Variants in CORO2B observed in about 807,000 individuals in gnomAD.
CORO2B encodes coronin 2B, also known as coronin-2B.
Under a neutral mutation model 58.8 loss-of-function variants are expected in CORO2B, and 26 were observed. The ratio of observed to expected loss-of-function variants is 0.44; its 90% CI spans 0.32 to 0.61. The LOEUF is 0.61. Ranked by LOEUF, CORO2B falls within the 20% of genes least tolerant of loss-of-function variation. The pLI is 0.04. For synonymous variants in CORO2B, 242 were observed against 253.8 expected (o/e 0.95, Z 0.44); for missense variants, 460 against 645.1 (o/e 0.71, Z 3.11).
At chr15:68,652,481 G>A (rs1234947726) in intron 2 of CORO2B, among the ~76,000 whole-genome samples, 2 of 152,188 alleles carry the variant, frequency 1.3e-5, no homozygotes, top group African/African-American at 4.8e-5. Flanking sequence ...GCCACAGGAA[G>A]AACAGGGCTA....
chr15:68,620,300 G>C (rs1900482104), intron 1 of CORO2B, among the ~76,000 whole-genome samples: 1 of 152,188 alleles, frequency 6.6e-6, no homozygotes, highest in African/African-American at 2.4e-5. Flanking sequence ...TGCTTAGAAT[G>C]ATGTTTGTAC....
intron 1 of CORO2B, among the ~76,000 whole-genome samples, chr15:68,640,088 T>C (rs1901161110): frequency 6.6e-6 from 1 of 152,180 alleles, no homozygotes; most frequent in Non-Finnish European, 1.5e-5. Flanking sequence ...TGCGCACCCA[T>C]GCATCTGACC....
the CORO2B span, among the ~76,000 whole-genome samples, chr15:68,543,773 C>T: frequency 6.6e-6 from 1 of 152,152 alleles, no homozygotes; most frequent in Non-Finnish European, 1.5e-5. Context: ...TCCCATCTCT[C>T]CTTCCTGCCT....
At chr15:68,686,909 A>G (rs1903000701) in intron 2 of CORO2B, among the ~76,000 whole-genome samples, 1 of 152,130 alleles carries the variant, frequency 6.6e-6, no homozygotes, top group Admixed American at 6.5e-5. Context: ...CAAAAAAAAA[A>G]AAAGAAAATA....
chr15:68,564,146 G>A, the CORO2B span, among the ~76,000 whole-genome samples: 2 of 152,170 alleles, frequency 1.3e-5, no homozygotes, highest in Non-Finnish European at 2.9e-5. Context: ...ATTGTCGAAT[G>A]TGTTGAGGGG....
chr15:68,579,300 G>A, intron 1 of CORO2B, 23 bp downstream of exon 1: 1 of 1,285,472 alleles, frequency 7.8e-7, no homozygotes, highest in African/African-American at 1.5e-5. Flanking sequence ...CGCCCGCCGC[G>A]CCCGGGACCC....
chr15:68,715,369 C>A, intron 8 of CORO2B, 58 bp downstream of exon 8: 1 of 1,221,340 alleles, frequency 8.2e-7, no homozygotes, highest in Non-Finnish European at 1.2e-6. Flanking sequence ...GGACATCTGG[C>A]CCATGGGTCA....
chr15:68,575,576 T>TTCCCCCC (rs1566975488), upstream of CORO2B, among the ~76,000 whole-genome samples: 1 of 15,916 alleles, frequency 6.3e-5, no homozygotes, highest in Non-Finnish European at 1.8e-4. Context: ...CCTTGTGATC[T>TTCCCCCC]GCCCCCGCCT....
At chr15:68,691,624 C>CAAAAAAAAAAAAAAA (rs57879519) in intron 2 of CORO2B, among the ~76,000 whole-genome samples, 14 of 25,750 alleles carry the variant, frequency 5.4e-4, no homozygotes, top group Admixed American at 1.1e-3. Flanking sequence ...GACTCCGTCT[C>CAAAAAAAAAAAAAAA]AAAAAAAAAA....
chr15:68,722,044 C>T (rs555495734), intron 11 of CORO2B, among the ~76,000 whole-genome samples: 3 of 152,296 alleles, frequency 2.0e-5, no homozygotes, highest in South Asian at 2.1e-4. Flanking sequence ...TGAGACACTG[C>T]GCCCAGCTAT....
At position 68,579,138 on chromosome 15, in the gene CORO2B, G is replaced by A. The variant is rs1276873346; in HGVS notation, c.-125G>A. On this transcript the variant is annotated 5_prime_UTR_variant, in exon 1 of 12. Coordinates refer to ENST00000261861, the MANE Select transcript of CORO2B (RefSeq NM_006091.5). ...CGGAGCGCAGCCCCCAGGCTCGGCCGAGCCGCCGGCGGGGCGCGGGGAGCG... is the reference window on the plus strand; with the variant it reads ...CGGAGCGCAGCCCCCAGGCTCGGCCAAGCCGCCGGCGGGGCGCGGGGAGCG... 3.1e-6 allele frequency: 3 copies of A among 981,498 alleles called. No individual in the cohort carries two copies. The highest frequency in any genetic ancestry group is 3.6e-6 in the Non-Finnish European group (3 of 828,302). The allele number at this position is 981,498 out of a possible 1,614,324, so 60.8% of individuals were successfully genotyped here.
chr15:68,691,101 G>A (rs111684617), intron 2 of CORO2B, among the ~76,000 whole-genome samples: 2 of 150,774 alleles, frequency 1.3e-5, no homozygotes, highest in African/African-American at 4.9e-5. Context: ...AGGCCAAGGC[G>A]GGTGGATCAC....
chr15:68,589,196 T>C lies in CORO2B; in HGVS notation c.15+9919T>C, dbSNP rs117640202. On this transcript the variant is annotated intron_variant, in intron 1 of 11. Coordinates refer to ENST00000261861, the MANE Select transcript of CORO2B (RefSeq NM_006091.5). Reference sequence around the variant, plus strand: ...AGTTCCTGTAGCATGTGATCCCTGGTATACCAGCCAGCAGGTAAAGGCCTA... The same window carrying C: ...AGTTCCTGTAGCATGTGATCCCTGGCATACCAGCCAGCAGGTAAAGGCCTA... Among the ~76,000 whole-genome samples, 817 of 152,332 alleles carry C rather than the reference T, an allele frequency of 5.4e-3. 3 individuals carry two copies. Among genetic ancestry groups the C allele is most frequent in the Non-Finnish European group, 8.8e-3 (600 of 68,026 alleles).
the CORO2B span, among the ~76,000 whole-genome samples, chr15:68,539,192 A>G: frequency 1.3e-5 from 2 of 152,188 alleles, no homozygotes; most frequent in Admixed American, 6.5e-5. Context: ...GAGAACAGTG[A>G]GGGAAAATCC....
chr15:68,529,791 T>A, the CORO2B span, among the ~76,000 whole-genome samples: 1 of 152,360 alleles, frequency 6.6e-6, no homozygotes, highest in South Asian at 2.1e-4. Context: ...TTTAAAGACA[T>A]ATATTTCTCA....
intron 1 of CORO2B, chr15:68,632,345 G>A (rs147696343): frequency 1.0e-6 from 1 of 985,338 alleles, no homozygotes; most frequent in Non-Finnish European, 1.2e-6. Flanking sequence ...CCACCTGGTA[G>A]GTAGCAGTGA....
the CORO2B span, among the ~76,000 whole-genome samples, chr15:68,522,153 A>G: frequency 6.6e-6 from 1 of 152,144 alleles, no homozygotes; most frequent in Non-Finnish European, 1.5e-5. Context: ...GTAATTTTCA[A>G]AGATTCACAA....
Position 68,725,829 on chromosome 15 carries a change from T to C in CORO2B, c.1312-14T>C, listed in dbSNP as rs763753754. The stretch of plus-strand genomic sequence containing the variant: ...CCTGGGCCCTCCTTGGCCCCCTCTC[T>C]TCCTCCACCCCAGCTCCTTCGAATG... On this transcript the variant is annotated splice_polypyrimidine_tract_variant and intron_variant, in intron 11 of 11. Coordinates refer to ENST00000261861, the MANE Select transcript of CORO2B (RefSeq NM_006091.5). The C allele has an allele frequency of 5.0e-6, 8 of 1,613,206 alleles. No individual in the cohort carries two copies. Among genetic ancestry groups the C allele is most frequent in the Non-Finnish European group, 6.8e-6 (8 of 1,179,968 alleles).
At chr15:68,575,442 A>ATTC (rs1212900472), upstream of CORO2B, among the ~76,000 whole-genome samples, 3 of 21,510 alleles carry the variant, frequency 1.4e-4, no homozygotes, top group Non-Finnish European at 4.3e-4. Flanking sequence ...AGTTCAAGCA[A>ATTC]TTCTGCCTCA....
Sources: allele counts gnomAD v4.1 joint callset (sites outside exome capture counted in the v4.1 genomes callset), GRCh38; gene constraint gnomAD v4.1.1; transcripts MANE v1.5; gene names NCBI Gene and HGNC (gene_info 2026-07-23, HGNC 2026-07-21).